Variants in NFATC2 observed in about 807,000 individuals in gnomAD.
NFATC2 encodes nuclear factor of activated T cells 2.
Under a neutral mutation model 87.3 loss-of-function variants are expected in NFATC2, and 22 were observed. That is an observed-to-expected ratio of 0.25 (90% CI 0.18 to 0.36). The LOEUF is 0.36. Ranked by LOEUF, NFATC2 falls within the 10% of genes least tolerant of loss-of-function variation. The probability of loss-of-function intolerance (pLI) is 1.00; values close to 1 mark genes in which losing one functional copy is unlikely to be tolerated. For synonymous variants in NFATC2, 565 were observed against 542.2 expected, an observed-to-expected ratio of 1.04 and a Z score of -0.58; for missense variants, 1,149 against 1,259.1, an observed-to-expected ratio of 0.91 and a Z score of 1.32.
chr20:51,402,008 A>G (rs577023890), intron 9 of NFATC2, among the ~76,000 whole-genome samples: 2 of 152,350 alleles, frequency 1.3e-5, no homozygotes, highest in South Asian at 4.1e-4. Context: ...CCGTGGTGGA[A>G]CCAATGGGAA....
chr20:51,415,569 C>T (rs1979936069), intron 9 of NFATC2, among the ~76,000 whole-genome samples: 1 of 152,140 alleles, frequency 6.6e-6, no homozygotes, highest in African/African-American at 2.4e-5. Context: ...GGGCTGGGGA[C>T]CAGTGACATG....
chr20:51,451,635 G>A (rs1985795215), intron 6 of NFATC2, among the ~76,000 whole-genome samples: 1 of 152,240 alleles, frequency 6.6e-6, no homozygotes, highest in African/African-American at 2.4e-5. Flanking sequence ...GCGGGCGAGA[G>A]AGCAAAGCTT....
rs1392710219 is a variant in NFATC2, at chr20:51,475,664, G to GA, written c.1333-5_1333-4insT. Reference sequence around the variant, plus strand: ...TGTTTTCCATGTAGCCATGGAGCTGGTGGGGGAGAAAACAAAATCATTAAG... The same window carrying GA: ...TGTTTTCCATGTAGCCATGGAGCTGGATGGGGGAGAAAACAAAATCATTAAG... On this transcript the variant is annotated splice_region_variant and splice_polypyrimidine_tract_variant and intron_variant, in intron 3 of 10. Coordinates refer to ENST00000371564, the MANE Select transcript of NFATC2 (RefSeq NM_012340.5). The GA allele has an allele frequency of 1.9e-6, 3 of 1,613,986 alleles. No individual in the cohort carries two copies. Among genetic ancestry groups the GA allele is most frequent in the Admixed American group, 1.7e-5 (1 of 60,004 alleles).
chr20:51,414,694 GAAAA>G (rs113845113), intron 9 of NFATC2, among the ~76,000 whole-genome samples: 2 of 143,436 alleles, frequency 1.4e-5, no homozygotes, highest in Admixed American at 6.9e-5. Context: ...GTTAAAAAAA[GAAAA>G]AAAAAAAGTC....
At chr20:51,461,951 A>T (rs948520389) in intron 5 of NFATC2, among the ~76,000 whole-genome samples, 1 of 150,642 alleles carries the variant, frequency 6.6e-6, no homozygotes, top group African/African-American at 2.4e-5. Flanking sequence ...CCCCATCTCC[A>T]CTAAAACTAC....
intron 3 of NFATC2, among the ~76,000 whole-genome samples, chr20:51,479,084 C>T (rs1989003672): frequency 6.6e-6 from 1 of 152,048 alleles, no homozygotes; most frequent in East Asian, 1.9e-4. Context: ...ATTTACACCA[C>T]AAAAATTGAC....
chr20:51,556,782 C>T (rs532191227), intron 1 of NFATC2, among the ~76,000 whole-genome samples: 309 of 152,270 alleles, frequency 2.0e-3, no homozygotes, highest in African/African-American at 7.2e-3. Flanking sequence ...CCCGGAGCCC[C>T]GGAGTGTCAG....
intron 1 of NFATC2, among the ~76,000 whole-genome samples, chr20:51,553,474 G>A (rs1007123293): frequency 2.6e-5 from 4 of 152,202 alleles, no homozygotes; most frequent in African/African-American, 9.6e-5. Context: ...AGGAGATCGA[G>A]ACCATCCTGG....
intron 5 of NFATC2, among the ~76,000 whole-genome samples, chr20:51,455,626 C>G (rs915611397): frequency 2.1e-5 from 3 of 139,830 alleles, no homozygotes; most frequent in Non-Finnish European, 4.6e-5. Context: ...CATATAAGCC[C>G]AGGAAGGAGG....
intron 1 of NFATC2, among the ~76,000 whole-genome samples, chr20:51,561,600 T>G (rs1250332405): frequency 1.8e-5 from 2 of 112,372 alleles, no homozygotes; most frequent in African/African-American, 7.2e-5. Context: ...CGAACTTTAA[T>G]CAGCCACGCA....
intron 1 of NFATC2, among the ~76,000 whole-genome samples, chr20:51,528,009 T>G (rs2076572452): frequency 7.1e-6 from 1 of 141,520 alleles, no homozygotes; most frequent in African/African-American, 2.7e-5. Flanking sequence ...GAAGCTGAGG[T>G]GGGAGGATCA....
At chr20:51,491,285 A>T (rs1204204842) in intron 3 of NFATC2, among the ~76,000 whole-genome samples, 1 of 144,176 alleles carries the variant, frequency 6.9e-6, no homozygotes. Context: ...GGACAAGGTT[A>T]AAAAAAAAAA....
chr20:51,523,499 G>T lies in NFATC2; in HGVS notation c.742C>A (p.Pro248Thr). Reference protein sequence around the residue: ...VPRPASRSSSPGAKRRHSCAE... With the variant: ...VPRPASRSSSTGAKRRHSCAE... ...CACGAATGCCTCCGCTTGGCACCAG[G>T]CGATGAGGAGCGGGAGGCCGGACGG... Residue 248 changes from proline (P) to threonine (T), a missense_variant, in exon 2 of 11, where the codon CCT becomes ACT. By Grantham distance (38) the Pro-to-Thr change is conservative (BLOSUM62 -1). Transcript: ENST00000371564. This position sits in a 1 kb window ranked among gnomAD's most constrained non-coding sequence, Gnocchi z 6.9. The T allele has an allele frequency of 6.2e-7, 1 of 1,612,902 alleles. No individual in the cohort carries two copies.
chr20:51,483,099 G>A (rs543910043), intron 3 of NFATC2, among the ~76,000 whole-genome samples: 19 of 152,182 alleles, frequency 1.2e-4, no homozygotes, highest in East Asian at 1.9e-4. Flanking sequence ...TTGCGTGCCC[G>A]TTCTGCCTGT....
intron 9 of NFATC2, among the ~76,000 whole-genome samples, chr20:51,427,702 T>C (rs1386585331): frequency 6.6e-6 from 1 of 152,134 alleles, no homozygotes. Flanking sequence ...TCCCTCTCCC[T>C]GAAACACTCT....
At chr20:51,532,643 G>A (rs1161958714) in intron 1 of NFATC2, among the ~76,000 whole-genome samples, 1 of 152,180 alleles carries the variant, frequency 6.6e-6, no homozygotes, top group Non-Finnish European at 1.5e-5. Flanking sequence ...CTCGCAGACG[G>A]ACACACAGCC....
intron 1 of NFATC2, among the ~76,000 whole-genome samples, chr20:51,533,423 T>C (rs980620831): frequency 1.3e-5 from 2 of 152,212 alleles, no homozygotes; most frequent in African/African-American, 4.8e-5. Flanking sequence ...CAATGAATCA[T>C]GTGTATTAAT....
chr20:51,407,012 T>C (rs1227257621), intron 9 of NFATC2, among the ~76,000 whole-genome samples: 2 of 152,152 alleles, frequency 1.3e-5, no homozygotes, highest in African/African-American at 2.4e-5. Context: ...TCCCTCACTC[T>C]CCCCTAGTCC....
intron 6 of NFATC2, among the ~76,000 whole-genome samples, chr20:51,442,546 T>C (rs1984493269): frequency 1.3e-5 from 2 of 152,206 alleles, no homozygotes; most frequent in Non-Finnish European, 2.9e-5. Context: ...TGCTTAAACT[T>C]AGAAAGCCTG....
Sources: gnomAD v4.1 joint callset for allele counts (sites outside exome capture counted in the v4.1 genomes callset) on GRCh38, gnomAD v4.1.1 for gene constraint, Gnocchi (gnomAD v3.1) non-coding constraint, MANE v1.5 for transcripts, NCBI Gene and HGNC (gene_info 2026-07-23, HGNC 2026-07-21) for gene names.